Variants in LMNB2 observed in about 807,000 individuals in gnomAD.
LMNB2 encodes lamin B2, also known as lamin-B2.
In LMNB2, 17 loss-of-function variants were observed where a neutral mutation model predicts 69.3. The observed-to-expected ratio is 0.25, with a 90% CI of 0.17 to 0.37. LMNB2 has a LOEUF of 0.37. Among genes scored for constraint, LMNB2 ranks in the 10% least tolerant of loss-of-function variants. The pLI is 1.00. For synonymous variants in LMNB2, 397 were observed against 389.3 expected (o/e 1.02, Z -0.23); for missense variants, 789 against 883.6 (o/e 0.89, Z 1.36).
chr19:2,441,286 G>T (rs1055410759), intron 2 of LMNB2, among the ~76,000 whole-genome samples: 2 of 152,258 alleles, frequency 1.3e-5, no homozygotes, highest in African/African-American at 4.8e-5. Context: ...GCGGCCAGCC[G>T]CTCTGGCGCT....
intron 4 of LMNB2, 100 bp downstream of exon 4, chr19:2,438,063 C>A: frequency 1.3e-6 from 2 of 1,573,032 alleles, no homozygotes; most frequent in Non-Finnish European, 1.7e-6. Context: ...GTGGGAGGGA[C>A]CCCGGCCACA....
At position 2,434,080 on chromosome 19, in the gene LMNB2, A is replaced by G; in HGVS notation, c.1228T>C (p.Ser410Pro). The change falls in exon 8 of 12, where the codon TCG becomes CCG. Residue 410 changes from serine (S) to proline (P), a missense_variant. Coordinates refer to ENST00000325327, the MANE Select transcript of LMNB2 (RefSeq NM_032737.4). ...GTGGCTCGTGAGACGGTGACGCGCG[A>G]GGATGGGCTGGGGGACAGCTTCAGC... The part of the protein sequence containing the change: ...ERLKLSPSPS[S>P]RVTVSRATSS... 1 of 1,593,548 alleles carries G rather than the reference A, an allele frequency of 6.3e-7. No individual in the cohort carries two copies. The highest frequency in any genetic ancestry group is 8.5e-7 in the Non-Finnish European group (1 of 1,171,854).
At chr19:2,446,072 C>A (rs1971952244) in intron 1 of LMNB2, among the ~76,000 whole-genome samples, 1 of 46,100 alleles carries the variant, frequency 2.2e-5, no homozygotes, top group Non-Finnish European at 4.4e-5. Flanking sequence ...CCCCAACTCC[C>A]CACCCCACCA....
rs77572849 is a variant in LMNB2, at chr19:2,431,220, A to G, written c.1822-268T>C. Among the ~76,000 whole-genome samples the G allele has an allele frequency of 2.2e-3, 338 of 152,314 alleles. 1 individual carries two copies. The highest frequency in any genetic ancestry group is 3.8e-3 in the Non-Finnish European group (257 of 68,012). ...TGCACTCATCTTCTCCCCAGAAGCC[A>G]GTATTGAAGGGACCTGTGTCTTCGA... On this transcript the variant is annotated intron_variant, in intron 11 of 11. Coordinates refer to ENST00000325327, the MANE Select transcript of LMNB2 (RefSeq NM_032737.4).
intron 2 of LMNB2, among the ~76,000 whole-genome samples, 199 bp from the exon 3 acceptor site, chr19:2,438,730 G>A (rs1971858398): frequency 6.6e-6 from 1 of 152,220 alleles, no homozygotes; most frequent in East Asian, 1.9e-4. Context: ...TGCACTGTCA[G>A]GAGTCCAGCA....
chr19:2,444,473 G>T lies in LMNB2; in HGVS notation c.332C>A (p.Ala111Asp), dbSNP rs1402740408. ...TATCTGCAGCCGGGCACGCTCTCGA[G>T]CCGTCTCATCCAGGACTCTCCGGGC... Reference protein sequence around the residue: ...ADARRVLDETARERARLQIEI... With the variant: ...ADARRVLDETDRERARLQIEI... The change falls in exon 2 of 12, where the codon GCT (alanine) becomes GAT (aspartate). Residue 111 changes from alanine (A) to aspartate (D), a missense_variant. Physicochemically the swap from Ala to Asp is moderately radical, Grantham distance 126. Around this residue, in one of 3 missense-constraint regions of LMNB2, gnomAD observed 145 missense variants for 228.9 expected, o/e 0.63. Transcript: ENST00000325327. The T allele has an allele frequency of 6.2e-7, 1 of 1,613,588 alleles. No homozygotes were observed. Among genetic ancestry groups the T allele is most frequent in the South Asian group, 1.1e-5 (1 of 91,090 alleles).
At chr19:2,431,475 G>A in intron 11 of LMNB2, 73 bp downstream of exon 11, 1 of 1,594,112 alleles carries the variant, frequency 6.3e-7, no homozygotes, top group Non-Finnish European at 8.6e-7. Flanking sequence ...CAGCACGCAT[G>A]TGTATGTGTG....
chr19:2,444,308 C>T, intron 2 of LMNB2, 96 bp downstream of exon 2: 1 of 1,434,758 alleles, frequency 7.0e-7, no homozygotes, highest in South Asian at 1.2e-5. Flanking sequence ...GTGCCCGTAT[C>T]AGAGCATGCC....
At position 2,430,849 on chromosome 19, in the gene LMNB2, G is replaced by T; in HGVS notation, c.*62C>A. The T allele has an allele frequency of 9.6e-7, 1 of 1,044,924 alleles. No homozygotes were observed. The highest frequency in any genetic ancestry group is 1.5e-6 in the Non-Finnish European group (1 of 659,808). The allele number at this position is 1,044,924 out of a possible 1,614,324, so 64.7% of individuals were successfully genotyped here. ...GTATCAAGAACTAAAGAAAGCCAAT[G>T]ATATAAAAATAGTTTTCAGTGGCTC... is the stretch of plus-strand genomic sequence containing the variant. On this transcript the variant is annotated 3_prime_UTR_variant, in exon 12 of 12. Coordinates refer to ENST00000325327, the MANE Select transcript of LMNB2 (RefSeq NM_032737.4).
chr19:2,438,049 A>G lies in LMNB2; in HGVS notation c.684+114T>C. 5 of 1,492,930 alleles carry G rather than the reference A, an allele frequency of 3.3e-6. No homozygotes were observed. In the South Asian group the frequency reaches 4.5e-5, roughly 14 times the overall value. The allele number at this position is 1,492,930 out of a possible 1,614,324, so 92.5% of individuals were successfully genotyped here. A position where few individuals can be genotyped will look rare whatever the true frequency, so the allele number is the denominator to read the frequency against. ...AAGAGGCAGGAAGGAGCCTCCCTAGAGCCGTGGGAGGGACCCCGGCCACAC... is the reference window on the plus strand; with the variant it reads ...AAGAGGCAGGAAGGAGCCTCCCTAGGGCCGTGGGAGGGACCCCGGCCACAC... On this transcript the variant is annotated intron_variant, in intron 4 of 11. Transcript: ENST00000325327.
intron 1 of LMNB2, among the ~76,000 whole-genome samples, chr19:2,451,155 C>T (rs535208997): frequency 1.8e-4 from 27 of 152,230 alleles, no homozygotes; most frequent in African/African-American, 6.3e-4. Flanking sequence ...GCACAAGAAT[C>T]GCTTCATCGC....
chr19:2,443,375 T>C lies in LMNB2; in HGVS notation c.401+1029A>G, dbSNP rs957753266. ...TGGAGAGGTCACCTGCAACCACGCA[T>C]GGGGGCCCCGGCACTGTTGGACACA... On this transcript the variant is annotated intron_variant, in intron 2 of 11. Transcript: ENST00000325327. This position sits in a 1 kb window ranked among gnomAD's most constrained non-coding sequence, Gnocchi z 6.2. Among the ~76,000 whole-genome samples, 2 of 152,138 alleles carry C rather than the reference T, an allele frequency of 1.3e-5. No individual in the cohort carries two copies. Among genetic ancestry groups the C allele is most frequent in the East Asian group, 1.9e-4 (1 of 5,196 alleles).
At chr19:2,439,523 C>T (rs761684577) in intron 2 of LMNB2, among the ~76,000 whole-genome samples, 1 of 152,134 alleles carries the variant, frequency 6.6e-6, no homozygotes, top group African/African-American at 2.4e-5. Flanking sequence ...GTTTTGACAA[C>T]CACAAGTGTC....
At chr19:2,451,478 C>T (rs532960502) in intron 1 of LMNB2, among the ~76,000 whole-genome samples, 2 of 152,218 alleles carry the variant, frequency 1.3e-5, no homozygotes, top group Non-Finnish European at 2.9e-5. Context: ...GTCTGCCGTG[C>T]TGTGATGATG....
rs777465807 is a variant in LMNB2, at chr19:2,432,412, C to T, written c.1590+4G>A. 2 of 1,611,598 alleles carry T rather than the reference C, an allele frequency of 1.2e-6. No homozygotes were observed. Among genetic ancestry groups the T allele is most frequent in the Admixed American group, 1.7e-5 (1 of 59,984 alleles). ...CACCCTCGCCCTCCTGCCCCACCAC[C>T]TACCGTGACCATCTGGCCGGCGCGC... On this transcript the variant is annotated splice_donor_region_variant and intron_variant, in intron 9 of 11. Coordinates refer to ENST00000325327, the MANE Select transcript of LMNB2 (RefSeq NM_032737.4).
intron 9 of LMNB2, 138 bp downstream of exon 9, chr19:2,432,278 C>T: frequency 1.3e-6 from 1 of 755,714 alleles, no homozygotes; most frequent in Admixed American, 2.0e-5. Flanking sequence ...GGTTCTATGA[C>T]TGCGGCAGCC....
chr19:2,439,565 G>C lies in LMNB2; in HGVS notation c.402-1034C>G, dbSNP rs549425686. Among the ~76,000 whole-genome samples, 15 of 152,264 alleles carry C rather than the reference G, an allele frequency of 9.9e-5. No homozygotes were observed. The South Asian group carries it at 3.1e-3, about 32-fold the overall frequency. ...AATCACCCAGTGTCCCCTGGGGACA[G>C]AATCACCCCAGGATGGGGACAACTG... On this transcript the variant is annotated intron_variant, in intron 2 of 11. Transcript: ENST00000325327.
chr19:2,430,940 T>A lies in LMNB2; in HGVS notation c.1834A>T (p.Thr612Ser). The change falls in exon 12 of 12, where the codon ACC becomes TCC. Residue 612 changes from threonine to serine, a missense_variant. Thr to Ser is a moderately conservative substitution (Grantham distance 58, BLOSUM62 1). Transcript: ENST00000325327. Reference protein sequence around the residue: ...DLFHQQGDPRTTSRGCYVM With the variant: ...DLFHQQGDPRSTSRGCYVM Reference sequence around the variant, plus strand: ...ATCACGTAGCAGCCTCTTGAGGTGGTCCTCGGGTCCCCCTGCAGGAAGGAA... The same window carrying A: ...ATCACGTAGCAGCCTCTTGAGGTGGACCTCGGGTCCCCCTGCAGGAAGGAA... 1.2e-6 allele frequency: 2 copies of A among 1,609,756 alleles called. No individual in the cohort carries two copies. The highest frequency in any genetic ancestry group is 1.7e-6 in the Non-Finnish European group (2 of 1,176,370).
chr19:2,434,644 C>CGGGAG (rs1251829940), intron 6 of LMNB2, 129 bp from the exon 7 acceptor site: 1 of 1,496,258 alleles, frequency 6.7e-7, no homozygotes, highest in Non-Finnish European at 9.0e-7. Context: ...ATGGGGCGCA[C>CGGGAG]GGGAGGGGAG....
Sources: gnomAD v4.1 joint callset for allele counts (sites outside exome capture counted in the v4.1 genomes callset) on GRCh38, gnomAD v4.1.1 for gene constraint, gnomAD v4.1.1 regional missense constraint, Gnocchi (gnomAD v3.1) non-coding constraint, MANE v1.5 for transcripts, NCBI Gene and HGNC (gene_info 2026-07-23, HGNC 2026-07-21) for gene names.